ELOVL5: variants seen among roughly 807,000 people sequenced by gnomAD.
ELOVL5 encodes the protein very long chain fatty acid elongase 5.
In ELOVL5, 8 loss-of-function variants were observed where a neutral mutation model predicts 38.6. That is an observed-to-expected ratio of 0.21 (90% CI 0.12 to 0.37). The LOEUF is 0.37. Among genes scored for constraint, ELOVL5 ranks in the 10% least tolerant of loss-of-function variants. The probability of loss-of-function intolerance (pLI) is 1.00; values close to 1 mark genes in which losing one functional copy is unlikely to be tolerated. For missense variants in ELOVL5, 280 were observed against 367.8 expected (o/e 0.76, Z 1.95); for synonymous variants, 127 against 133.7 (o/e 0.95, Z 0.34).
chr6:53,287,768 GC>G, intron 3 of ELOVL5: 1 of 1,108,234 alleles, frequency 9.0e-7, no homozygotes, highest in Non-Finnish European at 1.3e-6. Flanking sequence ...GCTAAGAAAG[GC>G]CGGAGTGCCT....
At chr6:53,293,411 G>A (rs973464664) in intron 2 of ELOVL5, among the ~76,000 whole-genome samples, 10 of 152,132 alleles carry the variant, frequency 6.6e-5, no homozygotes, top group Non-Finnish European at 1.2e-4. Flanking sequence ...TCTGCCTCTA[G>A]GGTCCAAGCG....
At chr6:53,288,246 C>A (rs897298642) in intron 3 of ELOVL5, among the ~76,000 whole-genome samples, 3 of 152,040 alleles carry the variant, frequency 2.0e-5, no homozygotes, top group Non-Finnish European at 4.4e-5. Context: ...ATGGATAGTG[C>A]AAAAAATCAG....
chr6:53,299,545 C>T (rs745398043), intron 1 of ELOVL5, among the ~76,000 whole-genome samples: 30 of 152,280 alleles, frequency 2.0e-4, no homozygotes, highest in Admixed American at 1.5e-3. Flanking sequence ...GCTAACATCA[C>T]GGCAACAGAA....
intron 1 of ELOVL5, among the ~76,000 whole-genome samples, chr6:53,306,735 A>G (rs1415081711): frequency 1.3e-5 from 2 of 152,236 alleles, no homozygotes; most frequent in Non-Finnish European, 2.9e-5. Context: ...TTACTCTTGT[A>G]GAGTTTTATC....
chr6:53,321,483 A>G (rs1768301964), intron 1 of ELOVL5, among the ~76,000 whole-genome samples: 1 of 152,242 alleles, frequency 6.6e-6, no homozygotes, highest in African/African-American at 2.4e-5. Flanking sequence ...ACATCTTTAC[A>G]CATAAAACTT....
At chr6:53,287,269 T>C (rs965584080) in intron 3 of ELOVL5, among the ~76,000 whole-genome samples, 11 of 152,338 alleles carry the variant, frequency 7.2e-5, no homozygotes, top group African/African-American at 2.4e-4. Context: ...ACTCAAAAAA[T>C]AATCTTGTCT....
intron 1 of ELOVL5, among the ~76,000 whole-genome samples, chr6:53,333,107 G>A (rs1025522030): frequency 3.3e-5 from 5 of 152,180 alleles, no homozygotes; most frequent in South Asian, 4.1e-4. Context: ...GTTGGGAAGA[G>A]TATCCCTTTG....
Position 53,324,691 on chromosome 6 carries a change from A to AAC in ELOVL5, c.-9+24125_-9+24126insGT, listed in dbSNP as rs70980840. ...TCCTGTCAAAAAAAAAAAAAAAAAA[A>AAC]GGAAAAGAAATAGAATCAGGAAGGA... On this transcript the variant is annotated intron_variant, in intron 1 of 7. Transcript: ENST00000304434. Among the ~76,000 whole-genome samples the AAC allele has an allele frequency of 6.8e-5, 8 of 118,060 alleles. 1 individual carries two copies. The highest frequency in any genetic ancestry group is 2.8e-4 in the South Asian group (1 of 3,560). 77.5% of individuals were successfully genotyped at this position (118,060 alleles called of 152,430 possible).
intron 1 of ELOVL5, among the ~76,000 whole-genome samples, chr6:53,315,739 T>C (rs1400713855): frequency 6.6e-6 from 1 of 152,142 alleles, no homozygotes; most frequent in Non-Finnish European, 1.5e-5. Flanking sequence ...TGACTGACAT[T>C]TACAGGGTCG....
intron 3 of ELOVL5, among the ~76,000 whole-genome samples, chr6:53,277,923 T>C (rs1581923479): frequency 2.0e-5 from 3 of 152,170 alleles, no homozygotes; most frequent in Non-Finnish European, 1.5e-5. Context: ...GGCTTGAGGG[T>C]ACAGAAAGGA....
intron 1 of ELOVL5, among the ~76,000 whole-genome samples, chr6:53,336,002 T>A (rs562493045): frequency 5.4e-4 from 82 of 152,336 alleles, no homozygotes; most frequent in Middle Eastern, 3.4e-3. Flanking sequence ...TCATAAGAGA[T>A]ACACACTTCT....
intron 3 of ELOVL5, among the ~76,000 whole-genome samples, chr6:53,287,148 A>AT (rs1324193521): frequency 2.0e-5 from 3 of 152,134 alleles, no homozygotes; most frequent in Non-Finnish European, 4.4e-5. Context: ...AAAATTACAA[A>AT]TTTTTTTCTT....
At chr6:53,348,525 A>T (rs1428859125) in intron 1 of ELOVL5, among the ~76,000 whole-genome samples, 1 of 152,136 alleles carries the variant, frequency 6.6e-6, no homozygotes, top group Non-Finnish European at 1.5e-5. Context: ...CACAGGTGGG[A>T]CCGCAGCACA....
intron 1 of ELOVL5, among the ~76,000 whole-genome samples, chr6:53,329,857 T>C (rs116274216): frequency 1.3e-5 from 2 of 152,222 alleles, no homozygotes; most frequent in Middle Eastern, 3.4e-3. Context: ...GAGAGAATAG[T>C]GTGTCTTCAG....
rs1765990833 is a variant in ELOVL5, at chr6:53,304,803, T to C, written c.-8-9096A>G. Among the ~76,000 whole-genome samples, 9 of 151,892 alleles carry C rather than the reference T, an allele frequency of 5.9e-5. No individual in the cohort carries two copies. The South Asian group carries it at 1.9e-3, about 32-fold the overall frequency. ...GAATTTTTCTTAGTACAGAACAAAA[T>C]GAAAAATCTCCCATGTCTACTTCTT... On this transcript the variant is annotated intron_variant, in intron 1 of 7. Transcript: ENST00000304434.
intron 1 of ELOVL5, among the ~76,000 whole-genome samples, chr6:53,317,915 A>C (rs1311402681): frequency 1.3e-5 from 2 of 152,150 alleles, no homozygotes; most frequent in African/African-American, 4.8e-5. Flanking sequence ...CTTATTTTCA[A>C]GTCCTTTTCT....
chr6:53,343,990 G>A lies in ELOVL5; in HGVS notation c.-9+4827C>T, dbSNP rs80329375. Among the ~76,000 whole-genome samples the A allele has an allele frequency of 3.9e-3, 601 of 152,346 alleles. 7 individuals are homozygous for A. Among genetic ancestry groups the A allele is most frequent in the African/African-American group, 0.014 (578 of 41,574 alleles). On this transcript the variant is annotated intron_variant, in intron 1 of 7. Coordinates refer to ENST00000304434, the MANE Select transcript of ELOVL5 (RefSeq NM_021814.5). ...AAAGTGTAGGAGGCATCCCAATTCT[G>A]TAATATTAAAATGTGGAAAGTTACC...
Position 53,270,718 on chromosome 6 carries a change from C to T in ELOVL5, c.631G>A (p.Val211Met). 3 of 1,614,176 alleles carry T rather than the reference C, an allele frequency of 1.9e-6. No homozygotes were observed. Among genetic ancestry groups the T allele is most frequent in the Non-Finnish European group, 1.7e-6 (2 of 1,180,014 alleles). ...CAGCTGGTCTGGATGATTGTCAGCA[C>T]AAACTGAAGCTAGGGGAACAGAGGG... ...YITQGQLLQF[V>M]LTIIQTSCGV... The change falls in exon 7 of 8, where the codon GTG becomes ATG. Residue 211 changes from valine to methionine, a missense_variant. Physicochemically the swap from Val to Met is conservative, Grantham distance 21 (BLOSUM62 1). This residue lies in a region of ELOVL5 where 125 missense variants were observed against 158.9 expected (regional missense o/e 0.79). Transcript: ENST00000304434.
At chr6:53,311,320 A>C (rs1201285816) in intron 1 of ELOVL5, among the ~76,000 whole-genome samples, 1 of 152,226 alleles carries the variant, frequency 6.6e-6, no homozygotes, top group Admixed American at 6.5e-5. Context: ...ATAAAAACAG[A>C]AAATAACAAA....
Sources: gnomAD v4.1 joint callset for allele counts (sites outside exome capture counted in the v4.1 genomes callset) on GRCh38, gnomAD v4.1.1 for gene constraint, gnomAD v4.1.1 regional missense constraint, MANE v1.5 for transcripts, NCBI Gene and HGNC (gene_info 2026-07-23, HGNC 2026-07-21) for gene names.